The following RHNO1 variants were observed in gnomAD, a reference collection of about 807,000 sequenced individuals.
The protein encoded by RHNO1 is RAD9, HUS1, RAD1-interacting nuclear orphan protein 1.
Under a neutral mutation model 7.2 loss-of-function variants are expected in RHNO1, and 9 were observed. That is an observed-to-expected ratio of 1.25 (90% CI 0.75 to 2.18). RHNO1 has a LOEUF of 2.18. RHNO1 is among the 30% of genes most tolerant of loss of function. The pLI is 0.00. For missense variants in RHNO1, 292 were observed against 284.5 expected (o/e 1.03, Z -0.19); for synonymous variants, 95 against 107.5 (o/e 0.88, Z 0.72).
At chr12:2,883,493 ATATATATATATATATATAT>A (rs1421216256) in intron 1 of RHNO1, among the ~76,000 whole-genome samples, 5 of 18,724 alleles carry the variant, frequency 2.7e-4, no homozygotes, top group Non-Finnish European at 3.5e-4. Context: ...ATATATATAT[ATATATATATATATATATAT>A]TTTTTTTTTT....
chr12:2,883,022 A>G lies in RHNO1; in HGVS notation c.-84-2261A>G, dbSNP rs375533966. Among the ~76,000 whole-genome samples, 128 of 148,420 alleles carry G rather than the reference A, an allele frequency of 8.6e-4. No homozygotes were observed. In the South Asian group the frequency reaches 0.027, roughly 31 times the overall value. ...GTTGAGGCTGCAATGATCCATGATC[A>G]CACCACTGCACTCCAGCCTAGGTGA... On this transcript the variant is annotated intron_variant, in intron 1 of 2. Coordinates refer to ENST00000489288, the MANE Select transcript of RHNO1 (RefSeq NM_001252499.3).
At chr12:2,883,476 AATATATATATATATATAT>A (rs575732965) in intron 1 of RHNO1, among the ~76,000 whole-genome samples, 10 of 39,824 alleles carry the variant, frequency 2.5e-4, no homozygotes, top group South Asian at 1.4e-3. Flanking sequence ...GGAAGGATAG[AATATATATATATATATAT>A]ATATATATAT....
Position 2,888,429 on chromosome 12 carries a change from G to A in RHNO1, c.687G>A (p.Leu229=). ...CTTACCTCAGGGAGAGAGGGAAGCT[G>A]AGCAGAAGCCAATTCCTTGTGAAAA... The part of the protein sequence containing the change: ...LLAYLRERGK[L]SRSQFLVKS Residue 229 remains leucine (L), a synonymous_variant, in exon 3 of 3, where the codon CTG becomes CTA. Transcript: ENST00000489288. 6.3e-7 allele frequency: 1 copy of A among 1,595,062 alleles called. No individual in the cohort carries two copies. The highest frequency in any genetic ancestry group is 2.2e-5 in the East Asian group (1 of 44,756).
intron 1 of RHNO1, among the ~76,000 whole-genome samples, chr12:2,883,708 G>A (rs1181573859): frequency 2.7e-5 from 4 of 150,898 alleles, no homozygotes; most frequent in Non-Finnish European, 4.4e-5. Flanking sequence ...TAGGGACAGG[G>A]TTTCTCCACG....
At chr12:2,882,360 G>A (rs1163711998) in intron 1 of RHNO1, among the ~76,000 whole-genome samples, 1 of 151,658 alleles carries the variant, frequency 6.6e-6, no homozygotes, top group Non-Finnish European at 1.5e-5. Context: ...GAAAAGTCGG[G>A]TTGGAGATGG....
At position 2,885,382 on chromosome 12, in the gene RHNO1, AAAC is replaced by A; in HGVS notation, c.17_19del (p.Lys6_Arg7delinsSer). On this transcript the variant is annotated inframe_deletion, in exon 2 of 3. Transcript: ENST00000489288. ...TCACCGGTTGATGCCTCCCAGAAAA[AAAC>A]GCCGCCAGCCTTCCCAGAAAGCCCC... 1 of 1,612,672 alleles carries A rather than the reference AAAC, an allele frequency of 6.2e-7. No individual in the cohort carries two copies. Among genetic ancestry groups the A allele is most frequent in the Non-Finnish European group, 8.5e-7 (1 of 1,179,578 alleles).
At chr12:2,885,561 A>ATTTTTTTT (rs10558952) in intron 2 of RHNO1, 27 bp downstream of exon 2, 9 of 399,322 alleles carry the variant, frequency 2.3e-5, no homozygotes, top group South Asian at 7.7e-5. Context: ...ACTATTTGAC[A>ATTTTTTTT]TTTTTTTTTT....
At chr12:2,883,074 A>AAAAAAAAAAACAAC (rs1555108295) in intron 1 of RHNO1, among the ~76,000 whole-genome samples, 11 of 144,992 alleles carry the variant, frequency 7.6e-5, no homozygotes, top group African/African-American at 2.9e-4. Context: ...CTCAAAAAAA[A>AAAAAAAAAAACAAC]AAAAAAAAAA....
intron 1 of RHNO1, among the ~76,000 whole-genome samples, chr12:2,877,739 T>C (rs545743570): frequency 2.4e-4 from 37 of 152,364 alleles, no homozygotes; most frequent in African/African-American, 8.4e-4. Context: ...TAGTGCTTTA[T>C]TTATTGACTT....
Position 2,888,562 on chromosome 12 carries a change from C to A in RHNO1, c.*103C>A. The A allele has an allele frequency of 9.6e-7, 1 of 1,042,342 alleles. No individual in the cohort carries two copies. Among genetic ancestry groups the A allele is most frequent in the South Asian group, 1.8e-5 (1 of 56,050 alleles). The allele number at this position is 1,042,342 out of a possible 1,614,324, so 64.6% of individuals were successfully genotyped here. ...TTTGTTTTTGAGATGTAATATTGCTCTGTTGCCCAGGCTGGAGTGCAGTGG... is the reference window on the plus strand; with the variant it reads ...TTTGTTTTTGAGATGTAATATTGCTATGTTGCCCAGGCTGGAGTGCAGTGG... On this transcript the variant is annotated 3_prime_UTR_variant, in exon 3 of 3. Coordinates refer to ENST00000489288, the MANE Select transcript of RHNO1 (RefSeq NM_001252499.3).
chr12:2,885,561 ATTTTTTTTTTTTTT>A (rs10558952), intron 2 of RHNO1, 27 bp downstream of exon 2: 50 of 399,310 alleles, frequency 1.3e-4, no homozygotes, highest in East Asian at 3.3e-4. Context: ...ACTATTTGAC[ATTTTTTTTTTTTTT>A]TTTTTTTTTT....
In RHNO1 at chr12:2,885,560, CA is replaced by C. The variant is rs368348940; in HGVS notation, c.168+27del. On this transcript the variant is annotated intron_variant, in intron 2 of 2. Transcript: ENST00000489288. ...GTAGGCCCATGGGATTACTATTTGA[CA>C]TTTTTTTTTTTTTTTTTTTTTTTTT... 1.0e-3 allele frequency: 748 copies of C among 737,504 alleles called. 31 individuals carry two copies. The highest frequency in any genetic ancestry group is 5.3e-3 in the African/African-American group (230 of 43,584). 45.7% of individuals were successfully genotyped at this position (737,504 alleles called of 1,614,324 possible). A position where few individuals can be genotyped will look rare whatever the true frequency, so the allele number is the denominator to read the frequency against.
Position 2,877,281 on chromosome 12 carries a change from TGGTAAGGCGGACCGCA to T in RHNO1, c.-85+2_-85+17del, listed in dbSNP as rs1304517792. 6.6e-6 allele frequency: 1 copy of T among 151,958 alleles called. No individual in the cohort carries two copies. Among genetic ancestry groups the T allele is most frequent in the Non-Finnish European group, 1.5e-5 (1 of 67,970 alleles). The allele number at this position is 151,958 out of a possible 1,614,324, so 9.4% of individuals were successfully genotyped here. On this transcript the variant is annotated splice_donor_variant and splice_donor_5th_base_variant and 5_prime_UTR_variant and intron_variant, in exon 1 of 3. Coordinates refer to ENST00000489288, the MANE Select transcript of RHNO1 (RefSeq NM_001252499.3). LOFTEE classifies it low-confidence loss of function (5UTR_SPLICE). ...AGCTGCGGCCCCGTCCGGCCCGGGC[TGGTAAGGCGGACCGCA>T]GGCCGGCTTGTGGGGGAAGAAGTGG...
rs2098156624 is a variant in RHNO1 at position 2,880,833 on chromosome 12, C to T, written c.-85+3551C>T. Among the ~76,000 whole-genome samples, 5 of 151,876 alleles carry T rather than the reference C, an allele frequency of 3.3e-5. No homozygotes were observed. The South Asian group carries it at 1.0e-3, about 32-fold the overall frequency. The stretch of plus-strand genomic sequence containing the variant: ...TTTAAATTTGTAGTAGAGACGAGGT[C>T]TCTCTATGTTGCCCAGGCTGGTCTT... On this transcript the variant is annotated intron_variant, in intron 1 of 2. Coordinates refer to ENST00000489288, the MANE Select transcript of RHNO1 (RefSeq NM_001252499.3).
chr12:2,883,505 A>T lies in RHNO1; in HGVS notation c.-84-1778A>T, dbSNP rs1461728660. Among the ~76,000 whole-genome samples the T allele has an allele frequency of 2.7e-3, 85 of 31,880 alleles. 1 individual carries two copies. The highest frequency in any genetic ancestry group is 0.014 in the African/African-American group (82 of 5,774). The allele number at this position is 31,880 out of a possible 152,430, so 20.9% of individuals were successfully genotyped here. A position where few individuals can be genotyped will look rare whatever the true frequency, so the allele number is the denominator to read the frequency against. On this transcript the variant is annotated intron_variant, in intron 1 of 2. Transcript: ENST00000489288. ...TATATATATATATATATATATATAT[A>T]TATATATTTTTTTTTTTTTTTTTTT...
chr12:2,885,314 C>T lies in RHNO1; in HGVS notation c.-53C>T. 1.3e-6 allele frequency: 2 copies of T among 1,533,558 alleles called. No individual in the cohort carries two copies. Among genetic ancestry groups the T allele is most frequent in the Non-Finnish European group, 1.8e-6 (2 of 1,130,160 alleles). The allele number at this position is 1,533,558 out of a possible 1,614,324, so 95.0% of individuals were successfully genotyped here. On this transcript the variant is annotated 5_prime_UTR_variant, in exon 2 of 3. Coordinates refer to ENST00000489288, the MANE Select transcript of RHNO1 (RefSeq NM_001252499.3). The stretch of plus-strand genomic sequence containing the variant: ...GTTGGAATTGGAGCCTATCCCCCAA[C>T]CCGAAGGCTAACAGCATCATGTGGT...
rs1477717681 is a variant in RHNO1 at position 2,885,344 on chromosome 12, A to G, written c.-23A>G. On this transcript the variant is annotated 5_prime_UTR_variant, in exon 2 of 3. Coordinates refer to ENST00000489288, the MANE Select transcript of RHNO1 (RefSeq NM_001252499.3). ...AGGCTAACAGCATCATGTGGTTACTAACTGTTCCTCATTCACCGGTTGATG... is the reference window on the plus strand; with the variant it reads ...AGGCTAACAGCATCATGTGGTTACTGACTGTTCCTCATTCACCGGTTGATG... 7 of 1,608,310 alleles carry G rather than the reference A, an allele frequency of 4.4e-6. No individual in the cohort carries two copies. In the South Asian group the frequency reaches 6.6e-5, roughly 15 times the overall value.
rs926297890 is a variant in RHNO1 at position 2,877,245 on chromosome 12, G to C, written c.-122G>C. The C allele has an allele frequency of 1.3e-5, 2 of 152,272 alleles. No individual in the cohort carries two copies. The highest frequency in any genetic ancestry group is 2.4e-5 in the African/African-American group (1 of 41,468). The allele number at this position is 152,272 out of a possible 1,614,324, so 9.4% of individuals were successfully genotyped here. A position where few individuals can be genotyped will look rare whatever the true frequency, so the allele number is the denominator to read the frequency against. ...GGCATTCCGGGCTCGAAGGCTGTGC[G>C]GTCTGCCAGGAGCTGCGGCCCCGTC... is the stretch of plus-strand genomic sequence containing the variant. On this transcript the variant is annotated 5_prime_UTR_variant, in exon 1 of 3. Transcript: ENST00000489288.
chr12:2,882,898 T>TA (rs1314742160), intron 1 of RHNO1, among the ~76,000 whole-genome samples: 3 of 151,880 alleles, frequency 2.0e-5, no homozygotes, highest in Middle Eastern at 3.4e-3. Context: ...CTCATCTCTA[T>TA]AAAAAATGTT....
Sources: allele counts gnomAD v4.1 joint callset (sites outside exome capture counted in the v4.1 genomes callset), GRCh38; gene constraint gnomAD v4.1.1; transcripts MANE v1.5; gene names NCBI Gene and HGNC (gene_info 2026-07-23, HGNC 2026-07-21).